The following EIF4E2 variants were observed in gnomAD, a reference collection of about 807,000 sequenced individuals.
EIF4E2 encodes the protein eukaryotic translation initiation factor 4E family member 2.
EIF4E2 carries 13 observed loss-of-function variants against 34.2 expected under a neutral mutation model. The observed-to-expected ratio is 0.38, with a 90% CI of 0.25 to 0.60. The LOEUF is 0.60. Among genes scored for constraint, EIF4E2 ranks in the 20% least tolerant of loss-of-function variants. The pLI, the probability that EIF4E2 is intolerant of heterozygous loss-of-function variation, is 0.62. For missense variants in EIF4E2, 222 were observed against 315.1 expected (o/e 0.70, Z 2.24); for synonymous variants, 100 against 106.6 (o/e 0.94, Z 0.38).
In EIF4E2 at chr2:232,567,227, G is replaced by T. The variant is rs1692966591; in HGVS notation, c.665+13G>T. On this transcript the variant is annotated intron_variant, in intron 6 of 6. Coordinates refer to ENST00000258416, the MANE Select transcript of EIF4E2 (RefSeq NM_004846.4). ...CCGACAGCATCAAGTACGTGTTGGG[G>T]GGTTATGGGAGGACGTGTCCCTAAG... is the stretch of plus-strand genomic sequence containing the variant. 5 of 1,613,964 alleles carry T rather than the reference G, an allele frequency of 3.1e-6. 1 individual carries two copies. The Admixed American group carries it at 6.7e-5, about 22-fold the overall frequency.
rs150518961 is a variant in EIF4E2, at chr2:232,562,333, C to T, written c.271-1914C>T. On this transcript the variant is annotated intron_variant, in intron 3 of 6. Transcript: ENST00000258416. ...CGGTGGCTCACGCCTGTAATCACAACACTTTGGAAGGCCAAGGCAGGTGGA... is the reference window on the plus strand; with the variant it reads ...CGGTGGCTCACGCCTGTAATCACAATACTTTGGAAGGCCAAGGCAGGTGGA... Among the ~76,000 whole-genome samples, 540 of 152,324 alleles carry T rather than the reference C, an allele frequency of 3.5e-3. 1 individual carries two copies. Among genetic ancestry groups the T allele is most frequent in the African/African-American group, 0.012 (505 of 41,574 alleles).
chr2:232,558,000 G>A lies in EIF4E2; in HGVS notation c.252G>A (p.Gln84=), dbSNP rs781237091. The A allele has an allele frequency of 3.1e-6, 5 of 1,614,114 alleles. No homozygotes were observed. The highest frequency in any genetic ancestry group is 2.5e-6 in the Non-Finnish European group (3 of 1,180,004). The part of the protein sequence containing the change: ...SSQSYEQNIK[Q]IGTFASVEQF... Reference sequence around the variant, plus strand: ...AGAGCTATGAACAGAATATCAAACAGATTGGCACCTTTGCCTCTGTGAGTT... The same window carrying A: ...AGAGCTATGAACAGAATATCAAACAAATTGGCACCTTTGCCTCTGTGAGTT... Residue 84 remains glutamine, a synonymous_variant, in exon 3 of 7, where the codon CAG becomes CAA. Coordinates refer to ENST00000258416, the MANE Select transcript of EIF4E2 (RefSeq NM_004846.4).
chr2:232,562,209 C>T (rs1310050323), intron 3 of EIF4E2, among the ~76,000 whole-genome samples: 1 of 144,464 alleles, frequency 6.9e-6, no homozygotes, highest in Non-Finnish European at 1.5e-5. Context: ...AGCAAGACCC[C>T]ATCTCAAATG....
At chr2:232,571,845 C>T (rs977959985), downstream of EIF4E2, among the ~76,000 whole-genome samples, 5 of 152,182 alleles carry the variant, frequency 3.3e-5, no homozygotes, top group Non-Finnish European at 5.9e-5. Context: ...TATGTACCAC[C>T]GAACTGGTAG....
chr2:232,551,372 C>T (rs1559310527), intron 1 of EIF4E2, among the ~76,000 whole-genome samples: 1 of 152,196 alleles, frequency 6.6e-6, no homozygotes, highest in Non-Finnish European at 1.5e-5. Context: ...CCTGCCCGCT[C>T]CGGTTTCTAG....
At chr2:232,567,292 T>G in intron 6 of EIF4E2, 78 bp downstream of exon 6, 1 of 1,588,090 alleles carries the variant, frequency 6.3e-7, no homozygotes, top group Non-Finnish European at 8.6e-7. Context: ...CAGAGGAATA[T>G]GGCCGGACAG....
chr2:232,580,915 G>T, exon 7 of EIF4E2: 1 of 1,549,594 alleles, frequency 6.5e-7, no homozygotes, highest in Non-Finnish European at 8.7e-7. Context: ...GACAATTCAA[G>T]CTTTCGAAAT....
intron 2 of EIF4E2, 91 bp downstream of exon 2, chr2:232,556,621 C>T: frequency 1.1e-6 from 1 of 886,464 alleles, no homozygotes; most frequent in Non-Finnish European, 1.8e-6. Flanking sequence ...ACCAGATTAA[C>T]TTGATGGCAT....
chr2:232,573,988 T>G, downstream of EIF4E2: 1 of 637,728 alleles, frequency 1.6e-6, no homozygotes, highest in Non-Finnish European at 3.0e-6. Context: ...CCTGGAGCCT[T>G]GTTGAAGGAA....
Position 232,566,465 on chromosome 2 carries a change from C to T in EIF4E2, c.376-364C>T, listed in dbSNP as rs1352887790. On this transcript the variant is annotated intron_variant, in intron 4 of 6. Coordinates refer to ENST00000258416, the MANE Select transcript of EIF4E2 (RefSeq NM_004846.4). The surrounding 1 kb of genome is among the most constrained non-coding windows in gnomAD (Gnocchi z 4.9). The stretch of plus-strand genomic sequence containing the variant: ...TCAGCCTTCCAAAGTGTTGGGATTA[C>T]GGGCGTGAGCCACTGCGCCCAGCAG... Among the ~76,000 whole-genome samples the T allele has an allele frequency of 6.6e-6, 1 of 152,224 alleles. No homozygotes were observed. The highest frequency in any genetic ancestry group is 1.5e-5 in the Non-Finnish European group (1 of 68,038).
At chr2:232,553,283 G>C (rs1365812443) in intron 1 of EIF4E2, among the ~76,000 whole-genome samples, 2 of 151,474 alleles carry the variant, frequency 1.3e-5, no homozygotes. Context: ...CTACACAACT[G>C]TACTTGATTT....
At chr2:232,576,755 G>C (rs554079178) in intron 6 of EIF4E2, among the ~76,000 whole-genome samples, 6 of 152,154 alleles carry the variant, frequency 3.9e-5, no homozygotes, top group African/African-American at 1.2e-4. Context: ...AGAGATGTTC[G>C]AGAAGATATG....
At chr2:232,557,171 G>C (rs1692551016) in intron 2 of EIF4E2, among the ~76,000 whole-genome samples, 1 of 152,236 alleles carries the variant, frequency 6.6e-6, no homozygotes, top group South Asian at 2.1e-4. Context: ...CTTGAACCCA[G>C]GAGGCAGAGG....
chr2:232,569,980 TAG>T (rs1693053905), downstream of EIF4E2: 1 of 152,266 alleles, frequency 6.6e-6, no homozygotes, highest in South Asian at 2.1e-4. Flanking sequence ...AACCTGCATG[TAG>T]AGTTTCAGCA....
chr2:232,567,034 C>A, intron 5 of EIF4E2, 44 bp from the exon 6 acceptor site: 1 of 1,601,426 alleles, frequency 6.2e-7, no homozygotes, highest in Non-Finnish European at 8.5e-7. Context: ...GCTCTCCTCG[C>A]TGCCCCTGAT....
intron 3 of EIF4E2, among the ~76,000 whole-genome samples, chr2:232,560,674 A>G (rs1022315961): frequency 6.6e-6 from 1 of 152,228 alleles, no homozygotes; most frequent in Non-Finnish European, 1.5e-5. Flanking sequence ...AAGTGAAAAG[A>G]TAGCCTACAA....
chr2:232,551,108 C>G (rs1692297035), intron 1 of EIF4E2: 1 of 597,464 alleles, frequency 1.7e-6, no homozygotes, highest in African/African-American at 1.8e-5. Flanking sequence ...AGCGCTGCCT[C>G]TGAATCCAGC....
chr2:232,577,774 G>T (rs1693258214), intron 6 of EIF4E2, among the ~76,000 whole-genome samples: 1 of 152,136 alleles, frequency 6.6e-6, no homozygotes, highest in African/African-American at 2.4e-5. Context: ...CAGCTTCTGT[G>T]TCCTCTTTGG....
intron 6 of EIF4E2, among the ~76,000 whole-genome samples, chr2:232,576,453 T>C (rs535485188): frequency 3.9e-5 from 6 of 152,232 alleles, no homozygotes; most frequent in Non-Finnish European, 7.4e-5. Flanking sequence ...CCGTAAAAAG[T>C]CATATATTTG....
Sources: allele counts gnomAD v4.1 joint callset (sites outside exome capture counted in the v4.1 genomes callset), GRCh38; gene constraint gnomAD v4.1.1; non-coding constraint Gnocchi (gnomAD v3.1); transcripts MANE v1.5; gene names NCBI Gene and HGNC (gene_info 2026-07-23, HGNC 2026-07-21).